EFCAB6: variants seen among roughly 807,000 people sequenced by gnomAD.
EFCAB6 encodes EF-hand calcium binding domain 6.
EFCAB6 carries 156 observed loss-of-function variants against 169.8 expected under a neutral mutation model. The observed-to-expected ratio is 0.92, with a 90% CI of 0.81 to 1.05. The LOEUF (loss-of-function observed/expected upper bound fraction) is 1.05. Ranked by LOEUF, EFCAB6 falls within the 50% of genes least tolerant of loss-of-function variation. The probability of loss-of-function intolerance (pLI) is 0.00; values close to 1 mark genes in which losing one functional copy is unlikely to be tolerated. For missense variants in EFCAB6, 1,800 were observed against 1,829.1 expected, an observed-to-expected ratio of 0.98 and a Z score of 0.29; for synonymous variants, 698 against 676.4, an observed-to-expected ratio of 1.03 and a Z score of -0.50.
rs537975947 is a variant in EFCAB6, at chr22:43,529,528, C to T, written c.4384-553G>A. Among the ~76,000 whole-genome samples, 9 of 152,364 alleles carry T rather than the reference C, an allele frequency of 5.9e-5. No individual in the cohort carries two copies. The East Asian group carries it at 1.5e-3, about 26-fold the overall frequency. The stretch of plus-strand genomic sequence containing the variant: ...CAGCTAACCGGGAACATGTCTCAGC[C>T]TCTCTTGCAGCTAGGTATGTTCTGG... On this transcript the variant is annotated intron_variant, in intron 31 of 31. Transcript: ENST00000262726.
At chr22:43,711,651 C>A in intron 9 of EFCAB6, 28 bp from the exon 10 acceptor site, 1 of 1,566,438 alleles carries the variant, frequency 6.4e-7, no homozygotes, top group East Asian at 2.3e-5. Flanking sequence ...TAGAGTGTGG[C>A]GTTCATAAAT....
intron 20 of EFCAB6, among the ~76,000 whole-genome samples, chr22:43,617,971 G>A (rs1231773269): frequency 2.0e-5 from 3 of 151,542 alleles, no homozygotes; most frequent in South Asian, 4.2e-4. Context: ...GTGTGGTGGT[G>A]CACGCCTATA....
At chr22:43,732,283 C>G (rs1041417125) in intron 7 of EFCAB6, among the ~76,000 whole-genome samples, 10 of 152,068 alleles carry the variant, frequency 6.6e-5, no homozygotes, top group African/African-American at 2.4e-4. Context: ...CAGAGATGAT[C>G]TCGACTGAGC....
At position 43,572,761 on chromosome 22, in the gene EFCAB6, C is replaced by T. The variant is rs141015144; in HGVS notation, c.3420+3536G>A. The stretch of plus-strand genomic sequence containing the variant: ...GCTGCTGCTGGAACCTGACATGTGA[C>T]GGAGTCACTCACTCCTGCTCTGTCC... On this transcript the variant is annotated intron_variant, in intron 26 of 31. Transcript: ENST00000262726. This position sits in a 1 kb window ranked among gnomAD's most constrained non-coding sequence, Gnocchi z 4.0. Among the ~76,000 whole-genome samples, 20 of 152,330 alleles carry T rather than the reference C, an allele frequency of 1.3e-4. No individual in the cohort carries two copies. The East Asian group carries it at 2.5e-3, about 19-fold the overall frequency.
At chr22:43,631,536 TG>T (rs2054942885) in intron 19 of EFCAB6, among the ~76,000 whole-genome samples, 1 of 151,994 alleles carries the variant, frequency 6.6e-6, no homozygotes, top group African/African-American at 2.4e-5. Flanking sequence ...CGATTCAGTG[TG>T]GGGGCCACCT....
At chr22:43,765,252 C>G in intron 5 of EFCAB6, 53 bp downstream of exon 5, 1 of 1,394,458 alleles carries the variant, frequency 7.2e-7, no homozygotes, top group Non-Finnish European at 1.0e-6. Flanking sequence ...CGTCATAGCT[C>G]TTACTCATCA....
At chr22:43,637,224 G>A (rs913343559) in intron 17 of EFCAB6, among the ~76,000 whole-genome samples, 1 of 152,190 alleles carries the variant, frequency 6.6e-6, no homozygotes, top group Non-Finnish European at 1.5e-5. Context: ...TTTTGATAGG[G>A]TGAGGGGCTT....
chr22:43,669,460 C>T (rs77669783), intron 15 of EFCAB6, among the ~76,000 whole-genome samples: 2,893 of 152,052 alleles, frequency 0.019, 96 homozygotes, highest in African/African-American at 0.066. Context: ...TGAATAAAGC[C>T]AGACAAAAAA....
chr22:43,578,158 A>C (rs1468639728), intron 25 of EFCAB6, among the ~76,000 whole-genome samples: 2 of 152,166 alleles, frequency 1.3e-5, no homozygotes, highest in Non-Finnish European at 2.9e-5. Context: ...GCTCTGCTCC[A>C]TAGTCCCTGT....
At position 43,590,190 on chromosome 22, in the gene EFCAB6, T is replaced by C; in HGVS notation, c.2916A>G (p.Ala972=). 1 of 1,614,114 alleles carries C rather than the reference T, an allele frequency of 6.2e-7. No homozygotes were observed. The highest frequency in any genetic ancestry group is 8.5e-7 in the Non-Finnish European group (1 of 1,179,996). The change falls in exon 24 of 32, where the codon GCA becomes GCG. Residue 972 remains alanine (A), a synonymous_variant. Coordinates refer to ENST00000262726, the MANE Select transcript of EFCAB6 (RefSeq NM_022785.4). ...LMDRHQDISK[A]FTKTDQSKTN... ...TTTTGGATTGATCAGTTTTGGTGAA[T>C]GCTTTGCTGATATCTTGATGGCGGT...
At chr22:43,800,980 C>T (rs185457159) in intron 2 of EFCAB6, among the ~76,000 whole-genome samples, 72 of 152,036 alleles carry the variant, frequency 4.7e-4, no homozygotes, top group African/African-American at 1.7e-3. Context: ...TCCAGGTACA[C>T]AAAGGTCAGA....
intron 5 of EFCAB6, among the ~76,000 whole-genome samples, chr22:43,756,891 T>A (rs1166142211): frequency 2.0e-5 from 3 of 152,120 alleles, no homozygotes; most frequent in Non-Finnish European, 4.4e-5. Context: ...TATGAAGCCC[T>A]TGGCTGGCAG....
In EFCAB6 at chr22:43,626,431, C is replaced by G; in HGVS notation, c.2465+16G>C. ...CCGGCATATATTAAAGACACAGACC[C>G]GTGCTGCCTTCTTACCTAATGAGTC... On this transcript the variant is annotated intron_variant, in intron 20 of 31. Coordinates refer to ENST00000262726, the MANE Select transcript of EFCAB6 (RefSeq NM_022785.4). The G allele has an allele frequency of 1.2e-6, 2 of 1,611,788 alleles. No homozygotes were observed. The highest frequency in any genetic ancestry group is 1.1e-5 in the South Asian group (1 of 90,792).
intron 6 of EFCAB6, among the ~76,000 whole-genome samples, chr22:43,737,264 A>G (rs543949671): frequency 6.6e-6 from 1 of 152,144 alleles, no homozygotes; most frequent in South Asian, 2.1e-4. Context: ...GGTCCACCCC[A>G]TACATCATCA....
At chr22:43,582,424 A>G (rs1454430606) in intron 24 of EFCAB6, among the ~76,000 whole-genome samples, 1 of 152,106 alleles carries the variant, frequency 6.6e-6, no homozygotes, top group Non-Finnish European at 1.5e-5. Context: ...ATGTCTTCAA[A>G]CTTTTAAGGG....
Position 43,795,956 on chromosome 22 carries a change from A to AC in EFCAB6, c.-8+13038dup, listed in dbSNP as rs1291509143. ...ATCACACACGTACCACACACAACTC[A>AC]CCCCCCACAGAAACACACACACCAC... On this transcript the variant is annotated intron_variant, in intron 2 of 31. Coordinates refer to ENST00000262726, the MANE Select transcript of EFCAB6 (RefSeq NM_022785.4). This position sits in a 1 kb window ranked among gnomAD's most constrained non-coding sequence, Gnocchi z 4.2. Among the ~76,000 whole-genome samples the AC allele has an allele frequency of 7.3e-6, 1 of 136,850 alleles. No individual in the cohort carries two copies. The highest frequency in any genetic ancestry group is 1.6e-5 in the Non-Finnish European group (1 of 63,384). 89.8% of individuals were successfully genotyped at this position (136,850 alleles called of 152,430 possible).
chr22:43,800,833 T>C (rs2062684166), intron 2 of EFCAB6, among the ~76,000 whole-genome samples: 1 of 152,054 alleles, frequency 6.6e-6, no homozygotes, highest in Admixed American at 6.5e-5. Context: ...ACCTATAAGA[T>C]ATAGAAAATT....
At chr22:43,685,707 T>C (rs1176807797) in intron 11 of EFCAB6, among the ~76,000 whole-genome samples, 1 of 152,226 alleles carries the variant, frequency 6.6e-6, no homozygotes, top group South Asian at 2.1e-4. Context: ...GTATTCTGAA[T>C]GACTGCAGTT....
intron 21 of EFCAB6, among the ~76,000 whole-genome samples, chr22:43,611,118 T>C (rs1316504621): frequency 6.6e-6 from 1 of 152,154 alleles, no homozygotes; most frequent in Non-Finnish European, 1.5e-5. Context: ...TAAAGAAAAC[T>C]ACACACCATC....
Sources: allele counts gnomAD v4.1 joint callset (sites outside exome capture counted in the v4.1 genomes callset), GRCh38; gene constraint gnomAD v4.1.1; non-coding constraint Gnocchi (gnomAD v3.1); transcripts MANE v1.5; gene names NCBI Gene and HGNC (gene_info 2026-07-23, HGNC 2026-07-21).